The following SLC45A1 variants were observed in gnomAD, a reference collection of about 807,000 sequenced individuals.
SLC45A1 encodes proton-associated sugar transporter A.
A neutral mutation model predicts 57.6 loss-of-function variants in SLC45A1; 28 were observed. That is an observed-to-expected ratio of 0.49 (90% CI 0.36 to 0.67). The LOEUF is 0.67. Among genes scored for constraint, SLC45A1 ranks in the 30% least tolerant of loss-of-function variants. The pLI, the probability that SLC45A1 is intolerant of heterozygous loss-of-function variation, is 0.00. For synonymous variants in SLC45A1, 459 were observed against 471.5 expected, an observed-to-expected ratio of 0.97 and a Z score of 0.34; for missense variants, 814 against 1,041.5, an observed-to-expected ratio of 0.78 and a Z score of 3.01.
chr1:8,341,995 C>T (rs1409197166), intron 8 of SLC45A1, among the ~76,000 whole-genome samples: 1 of 152,126 alleles, frequency 6.6e-6, no homozygotes, highest in Non-Finnish European at 1.5e-5. Flanking sequence ...ATCACGAGGT[C>T]AGGAGATCGA....
rs1569932320 is a variant in SLC45A1, at chr1:8,324,565, A to G, written c.236A>G (p.His79Arg). The change falls in exon 2 of 9, where the codon CAC becomes CGC. Residue 79 changes from histidine to arginine, a missense_variant. Coordinates refer to ENST00000471889, the MANE Select transcript of SLC45A1 (RefSeq NM_001080397.3). ...PLELVDFGDL[H>R]PQRSFRELLF... ...GAGCTGGTGGACTTCGGGGACCTGC[A>G]CCCCCAGAGGTCCTTCCGGGAGCTG... 6.7e-7 allele frequency: 1 copy of G among 1,493,008 alleles called. No individual in the cohort carries two copies. Among genetic ancestry groups the G allele is most frequent in the Non-Finnish European group, 9.0e-7 (1 of 1,112,144 alleles). The allele number at this position is 1,493,008 out of a possible 1,614,324, so 92.5% of individuals were successfully genotyped here.
Position 8,324,578 on chromosome 1 carries a change from C to T in SLC45A1, c.249C>T (p.Ser83=), listed in dbSNP as rs149831242. 488 of 1,613,282 alleles carry T rather than the reference C, an allele frequency of 3.0e-4. 4 individuals carry two copies. In the Middle Eastern group the frequency reaches 3.1e-3, roughly 10 times the overall value. Residue 83 remains serine (S), a synonymous_variant, in exon 2 of 9, where the codon TCC becomes TCT. Coordinates refer to ENST00000471889, the MANE Select transcript of SLC45A1 (RefSeq NM_001080397.3). ...VDFGDLHPQR[S]FRELLFNGCI... is the part of the protein sequence containing the mutation. ...TCGGGGACCTGCACCCCCAGAGGTC[C>T]TTCCGGGAGCTGCTTTTCAACGGCT...
chr1:8,325,840 C>T lies in SLC45A1; in HGVS notation c.513C>T (p.Leu171=), dbSNP rs1477177024. The change falls in exon 4 of 9, where the codon CTC becomes CTT. Residue 171 remains leucine, a synonymous_variant. Transcript: ENST00000471889. The surrounding 1 kb of genome is among the most constrained non-coding windows in gnomAD (Gnocchi z 6.3). The part of the protein sequence containing the change: ...LAIGALLGLS[L]LLNGRDIGIA... ...CAGGGGCACTGCTGGGCCTCTCGCT[C>T]TTGCTGAATGGCCGGGACATTGGCA... The T allele has an allele frequency of 6.2e-7, 1 of 1,613,582 alleles. No individual in the cohort carries two copies. The highest frequency in any genetic ancestry group is 8.5e-7 in the Non-Finnish European group (1 of 1,180,054).
At chr1:8,339,295 C>T (rs1640726147) in intron 7 of SLC45A1, among the ~76,000 whole-genome samples, 198 bp from the exon 8 acceptor site, 1 of 152,226 alleles carries the variant, frequency 6.6e-6, no homozygotes, top group South Asian at 2.1e-4. Context: ...CTGTCCTGGG[C>T]ACCCACCAGA....
In SLC45A1 at chr1:8,330,442, C is replaced by G; in HGVS notation, c.949C>G (p.Leu317Val). The stretch of plus-strand genomic sequence containing the variant: ...CCCGCTGCCCCCGTCCCCACCCGTC[C>G]TGCCAGAGGAAGGCCCTGGCGACAG... Reference protein sequence around the residue: ...SLPLPPSPPVLPEEGPGDSLP... With the variant: ...SLPLPPSPPVVPEEGPGDSLP... Residue 317 changes from leucine (L) to valine (V), a missense_variant, in exon 5 of 9, where the codon CTG (leucine) becomes GTG (valine). Leu to Val is a conservative substitution (Grantham distance 32). Transcript: ENST00000471889. This position sits in a 1 kb window ranked among gnomAD's most constrained non-coding sequence, Gnocchi z 8.4. 6.2e-7 allele frequency: 1 copy of G among 1,611,818 alleles called. No individual in the cohort carries two copies. Among genetic ancestry groups the G allele is most frequent in the South Asian group, 1.1e-5 (1 of 91,012 alleles).
chr1:8,342,124 G>A (rs974464155), intron 8 of SLC45A1, among the ~76,000 whole-genome samples: 14 of 149,906 alleles, frequency 9.3e-5, no homozygotes, highest in Non-Finnish European at 7.4e-5. Context: ...GAAGAATGGC[G>A]TGAACCCGGG....
intron 4 of SLC45A1, among the ~76,000 whole-genome samples, chr1:8,329,655 G>A (rs72635800): frequency 0.14 from 21,205 of 152,284 alleles, 1,772 homozygotes; most frequent in South Asian, 0.28. Context: ...GCAGTGATCC[G>A]ATCCCTGCTT....
rs374620025 is a variant in SLC45A1, at chr1:8,343,869, C to T, written c.2103C>T (p.Ala701=). The change falls in exon 9 of 9, where the codon GCC becomes GCT. Residue 701 remains alanine, a synonymous_variant. Transcript: ENST00000471889. The surrounding 1 kb of genome is among the most constrained non-coding windows in gnomAD (Gnocchi z 7.7). The part of the protein sequence containing the change: ...VSLVLGPLTS[A]VGSANGVMYF... ...TGGTCCTGGGGCCCCTGACCTCGGC[C>T]GTGGGCAGTGCCAACGGGGTGATGT... The T allele has an allele frequency of 3.7e-5, 59 of 1,614,050 alleles. No individual in the cohort carries two copies. Among genetic ancestry groups the T allele is most frequent in the Non-Finnish European group, 4.1e-5 (48 of 1,180,022 alleles).
Position 8,339,615 on chromosome 1 carries a change from C to G in SLC45A1, c.1897C>G (p.Leu633Val), listed in dbSNP as rs1640744245. The G allele has an allele frequency of 6.2e-7, 1 of 1,614,122 alleles. No homozygotes were observed. Among genetic ancestry groups the G allele is most frequent in the Admixed American group, 1.7e-5 (1 of 60,014 alleles). ...CAGGAACCTCTACGTGGTCCTGTCGCTCTGCATAACCTACGGGATTTTATT... is the reference window on the plus strand; with the variant it reads ...CAGGAACCTCTACGTGGTCCTGTCGGTCTGCATAACCTACGGGATTTTATT... ...LSRNLYVVLSLCITYGILFST... is the reference protein window; with the variant it reads ...LSRNLYVVLSVCITYGILFST... Residue 633 changes from leucine to valine, a missense_variant, in exon 8 of 9, where the codon CTC becomes GTC. Physicochemically the swap from Leu to Val is conservative, Grantham distance 32. Transcript: ENST00000471889.
At position 8,330,159 on chromosome 1, in the gene SLC45A1, G is replaced by C; in HGVS notation, c.716-50G>C. ...TTCTAAGAACGGGGCCACCGCGTTT[G>C]GGGCTTCTCCTCCCGCAGAAGGGAA... is the stretch of plus-strand genomic sequence containing the variant. On this transcript the variant is annotated intron_variant, in intron 4 of 8. Coordinates refer to ENST00000471889, the MANE Select transcript of SLC45A1 (RefSeq NM_001080397.3). The surrounding 1 kb of genome is among the most constrained non-coding windows in gnomAD (Gnocchi z 8.4). The C allele has an allele frequency of 6.3e-7, 1 of 1,586,462 alleles. No individual in the cohort carries two copies. The highest frequency in any genetic ancestry group is 8.6e-7 in the Non-Finnish European group (1 of 1,165,948).
intron 1 of SLC45A1, among the ~76,000 whole-genome samples, chr1:8,320,246 G>A (rs1639959273): frequency 6.6e-6 from 1 of 152,136 alleles, no homozygotes; most frequent in Non-Finnish European, 1.5e-5. Flanking sequence ...GCTGCAGTGG[G>A]GTGTGGCGGA....
intron 6 of SLC45A1, among the ~76,000 whole-genome samples, chr1:8,336,491 C>T (rs914626053): frequency 6.6e-6 from 1 of 151,972 alleles, no homozygotes; most frequent in East Asian, 1.9e-4. Context: ...TTCTAGAAGG[C>T]AATTTTGTAA....
At chr1:8,323,894 T>G (rs1265439556) in intron 1 of SLC45A1, among the ~76,000 whole-genome samples, 3 of 152,158 alleles carry the variant, frequency 2.0e-5, no homozygotes, top group African/African-American at 7.2e-5. Context: ...CAGTCTCTCT[T>G]CCTCTCTGGT....
Position 8,320,734 on chromosome 1 carries a change from C to T in SLC45A1, c.-25+2548C>T, listed in dbSNP as rs12408399. On this transcript the variant is annotated intron_variant, in intron 1 of 8. Transcript: ENST00000471889. Reference sequence around the variant, plus strand: ...ACACACACACACACACACACACACACCTGCCATATGCTGTTTAAAGCTGAA... The same window carrying T: ...ACACACACACACACACACACACACATCTGCCATATGCTGTTTAAAGCTGAA... Among the ~76,000 whole-genome samples the T allele has an allele frequency of 3.4e-3, 514 of 149,538 alleles. 5 individuals are homozygous for T. Among genetic ancestry groups the T allele is most frequent in the African/African-American group, 0.012 (488 of 40,364 alleles).
At chr1:8,331,756 A>G (rs1477998421) in intron 5 of SLC45A1, among the ~76,000 whole-genome samples, 1 of 151,324 alleles carries the variant, frequency 6.6e-6, no homozygotes, top group Non-Finnish European at 1.5e-5. Flanking sequence ...GTTAGGTATC[A>G]GGTGGCTTAA....
rs765935289 is a variant in SLC45A1 at position 8,324,416 on chromosome 1, G to A, written c.87G>A (p.Thr29=). ...APQDFWRSQV[T]GYSGSVTRHL... ...AGGACTTCTGGAGGTCCCAGGTCAC[G>A]GGCTACTCGGGGTCCGTGACACGAC... The change falls in exon 2 of 9, where the codon ACG becomes ACA. Residue 29 remains threonine, a synonymous_variant. Transcript: ENST00000471889. The A allele has an allele frequency of 1.5e-5, 24 of 1,612,594 alleles. No individual in the cohort carries two copies. In the Admixed American group the frequency reaches 2.5e-4, roughly 17 times the overall value.
In SLC45A1 at chr1:8,330,873, G is replaced by C; in HGVS notation, c.1380G>C (p.Pro460=). The change falls in exon 5 of 9, where the codon CCG becomes CCC. Residue 460 remains proline (P), a synonymous_variant. Coordinates refer to ENST00000471889, the MANE Select transcript of SLC45A1 (RefSeq NM_001080397.3). This position sits in a 1 kb window ranked among gnomAD's most constrained non-coding sequence, Gnocchi z 8.4. ...AGAGACCTCAGACCTTGGCCATCCC[G>C]GACGCAGCCGGAGGAGGGGGTCCCG... ...ILKRPQTLAI[P]DAAGGGGPET... is the part of the protein sequence containing the mutation. The C allele has an allele frequency of 6.2e-7, 1 of 1,607,188 alleles. No homozygotes were observed. Among genetic ancestry groups the C allele is most frequent in the Non-Finnish European group, 8.5e-7 (1 of 1,175,196 alleles).
At chr1:8,322,023 ATGGATGGGTGAGTGGG>A (rs1640027744) in intron 1 of SLC45A1, among the ~76,000 whole-genome samples, 1 of 32,314 alleles carries the variant, frequency 3.1e-5, no homozygotes, top group African/African-American at 1.5e-4. Context: ...GGATGGATGG[ATGGATGGGTGAGTGGG>A]TGGGTGGGTG....
At chr1:8,332,168 G>GC in intron 5 of SLC45A1, among the ~76,000 whole-genome samples, 1 of 152,288 alleles carries the variant, frequency 6.6e-6, no homozygotes, top group Middle Eastern at 3.4e-3. Context: ...TTTCTTAGAG[G>GC]CATAGTGTGC....
Sources: gnomAD v4.1 joint callset for allele counts (sites outside exome capture counted in the v4.1 genomes callset) on GRCh38, gnomAD v4.1.1 for gene constraint, Gnocchi (gnomAD v3.1) non-coding constraint, MANE v1.5 for transcripts, NCBI Gene and HGNC (gene_info 2026-07-23, HGNC 2026-07-21) for gene names.